TNIP3: variants seen among roughly 807,000 people sequenced by gnomAD.
The protein encoded by TNIP3 is TNFAIP3 interacting protein 3, also known as TNFAIP3-interacting protein 3.
Under a neutral mutation model 54.1 loss-of-function variants are expected in TNIP3, and 34 were observed. The observed-to-expected ratio is 0.63, with a 90% CI of 0.48 to 0.84. The LOEUF (loss-of-function observed/expected upper bound fraction) is 0.84, where lower values mean the gene tolerates loss of function less well. Ranked by LOEUF, TNIP3 falls within the 40% of genes least tolerant of loss-of-function variation. The pLI is 0.00. For missense variants in TNIP3, 366 were observed against 387.6 expected (o/e 0.94, Z 0.47); for synonymous variants, 134 against 136.8 (o/e 0.98, Z 0.14).
At chr4:121,207,134 G>C (rs1356672836) in intron 2 of TNIP3, among the ~76,000 whole-genome samples, 1 of 151,992 alleles carries the variant, frequency 6.6e-6, no homozygotes, top group African/African-American at 2.4e-5. Context: ...GTTTTGTTTT[G>C]CTTGCTGTTT....
chr4:121,169,773 A>G (rs1335364751), intron 3 of TNIP3, among the ~76,000 whole-genome samples: 1 of 152,200 alleles, frequency 6.6e-6, no homozygotes, highest in Non-Finnish European at 1.5e-5. Flanking sequence ...GAACTAGGAG[A>G]ATCGGGGAAT....
At chr4:121,141,762 T>C in intron 9 of TNIP3, 54 bp downstream of exon 9, 1 of 1,214,450 alleles carries the variant, frequency 8.2e-7, no homozygotes, top group Non-Finnish European at 1.1e-6. Context: ...GAGATGCACA[T>C]AATTTCTACC....
chr4:121,215,665 C>T (rs1579507372), intron 2 of TNIP3, among the ~76,000 whole-genome samples: 1 of 152,072 alleles, frequency 6.6e-6, no homozygotes, highest in African/African-American at 2.4e-5. Context: ...TCGTGTATTT[C>T]TATCCCACTC....
At chr4:121,142,570 C>T (rs79975458) in intron 8 of TNIP3, among the ~76,000 whole-genome samples, 156 bp downstream of exon 8, 3,306 of 152,210 alleles carry the variant, frequency 0.022, 79 homozygotes, top group Admixed American at 0.036. Context: ...CTTGGTGGTG[C>T]CTAAGCACTG....
intron 2 of TNIP3, among the ~76,000 whole-genome samples, chr4:121,184,034 T>C (rs779363492): frequency 2.6e-5 from 4 of 152,098 alleles, no homozygotes; most frequent in African/African-American, 4.8e-5. Flanking sequence ...GTGCCAAAAA[T>C]GTTGGGGACT....
rs545645488 is a variant in TNIP3 at position 121,206,094 on chromosome 4, C to T, written c.68+10321G>A. On this transcript the variant is annotated intron_variant, in intron 2 of 12. Coordinates refer to the TNIP3 transcript ENST00000507879. ...ATGATTCAATTACCTCCCACTGGGT[C>T]CCTCCCACAACACCTGGGAATTATG... Among the ~76,000 whole-genome samples, 4 of 152,222 alleles carry T rather than the reference C, an allele frequency of 2.6e-5. No individual in the cohort carries two copies. In the South Asian group the frequency reaches 8.3e-4, roughly 32 times the overall value.
At chr4:121,217,552 C>A (rs1726851590), upstream of TNIP3, among the ~76,000 whole-genome samples, 1 of 152,096 alleles carries the variant, frequency 6.6e-6, no homozygotes, top group Admixed American at 6.6e-5. Flanking sequence ...AAATGCCTTT[C>A]TGGATGACTG....
At chr4:121,148,715 A>G (rs1729569909) in intron 6 of TNIP3, among the ~76,000 whole-genome samples, 1 of 152,236 alleles carries the variant, frequency 6.6e-6, no homozygotes, top group Non-Finnish European at 1.5e-5. Context: ...CAAATGCTAT[A>G]AAATTTTTAG....
chr4:121,153,910 C>T (rs1033794884), intron 5 of TNIP3, among the ~76,000 whole-genome samples: 1 of 152,182 alleles, frequency 6.6e-6, no homozygotes, highest in Non-Finnish European at 1.5e-5. Context: ...TATGGGTTGG[C>T]TCTTGGAAAA....
At chr4:121,172,824 G>C (rs773356225) in intron 3 of TNIP3, among the ~76,000 whole-genome samples, 1 of 152,094 alleles carries the variant, frequency 6.6e-6, no homozygotes, top group African/African-American at 2.4e-5. Context: ...AATTTTCTGC[G>C]GTCAATTAGA....
chr4:121,152,831 T>C (rs1729841261), intron 5 of TNIP3, among the ~76,000 whole-genome samples: 1 of 152,178 alleles, frequency 6.6e-6, no homozygotes, highest in Non-Finnish European at 1.5e-5. Flanking sequence ...ATAAACATAC[T>C]TATGGGTCCC....
intron 1 of TNIP3, among the ~76,000 whole-genome samples, chr4:121,224,859 G>A (rs1366266350): frequency 2.0e-5 from 3 of 151,756 alleles, no homozygotes; most frequent in African/African-American, 7.3e-5. Context: ...AGAGTTTGGG[G>A]GAAAATGACA....
chr4:121,190,260 T>A (rs924501173), intron 2 of TNIP3, among the ~76,000 whole-genome samples: 1 of 152,202 alleles, frequency 6.6e-6, no homozygotes, highest in African/African-American at 2.4e-5. Flanking sequence ...TTACTCATAT[T>A]TAGTATCCTT....
At chr4:121,218,952 A>T (rs1039462806), upstream of TNIP3, among the ~76,000 whole-genome samples, 1 of 152,084 alleles carries the variant, frequency 6.6e-6, no homozygotes, top group African/African-American at 2.4e-5. Context: ...GTAATCCTAG[A>T]ACTTTGGGAG....
chr4:121,177,593 C>A (rs1724436240), intron 3 of TNIP3, among the ~76,000 whole-genome samples: 1 of 152,178 alleles, frequency 6.6e-6, no homozygotes, highest in African/African-American at 2.4e-5. Flanking sequence ...CATAAAGAAA[C>A]CAATTTCCTG....
upstream of TNIP3, among the ~76,000 whole-genome samples, chr4:121,166,852 T>C (rs1579427204): frequency 6.6e-6 from 1 of 152,256 alleles, no homozygotes; most frequent in East Asian, 1.9e-4. Context: ...ATGTGCTATG[T>C]AGGTAGGAAA....
At chr4:121,200,461 T>C (rs981115190) in intron 2 of TNIP3, among the ~76,000 whole-genome samples, 1 of 152,158 alleles carries the variant, frequency 6.6e-6, no homozygotes. Context: ...GCAACGTTTT[T>C]CATCTTTACG....
At chr4:121,185,356 G>A (rs923759491) in intron 2 of TNIP3, among the ~76,000 whole-genome samples, 3 of 152,228 alleles carry the variant, frequency 2.0e-5, no homozygotes, top group Admixed American at 6.5e-5. Context: ...ACTTTATGGC[G>A]AAAGCCTCTG....
chr4:121,216,249 G>T (rs1327603310), intron 2 of TNIP3, among the ~76,000 whole-genome samples: 1 of 152,146 alleles, frequency 6.6e-6, no homozygotes, highest in Non-Finnish European at 1.5e-5. Context: ...TGTTCAGATA[G>T]ATAGGCCATA....
Sources: gnomAD v4.1 joint callset for allele counts (sites outside exome capture counted in the v4.1 genomes callset) on GRCh38, gnomAD v4.1.1 for gene constraint, MANE v1.5 for transcripts, NCBI Gene and HGNC (gene_info 2026-07-23, HGNC 2026-07-21) for gene names.